ANK3: variants seen among roughly 807,000 people sequenced by gnomAD.
The protein encoded by ANK3 is ankyrin 3.
A neutral mutation model predicts 370.9 loss-of-function variants in ANK3; 57 were observed. That is an observed-to-expected ratio of 0.15 (90% CI 0.12 to 0.19). The LOEUF (loss-of-function observed/expected upper bound fraction) is 0.19, where lower values mean the gene tolerates loss of function less well. ANK3 is among the 10% of genes least tolerant of loss of function. The probability of loss-of-function intolerance (pLI) is 1.00; values close to 1 mark genes in which losing one functional copy is unlikely to be tolerated. For synonymous variants in ANK3, 1,929 were observed against 1,946.3 expected, an observed-to-expected ratio of 0.99 and a Z score of 0.23; for missense variants, 4,439 against 5,302.1, an observed-to-expected ratio of 0.84 and a Z score of 5.06.
At chr10:60,650,013 G>A (rs2078765169) in intron 1 of ANK3, among the ~76,000 whole-genome samples, 1 of 152,186 alleles carries the variant, frequency 6.6e-6, no homozygotes, top group Admixed American at 6.5e-5. Context: ...GGGTCCCTGA[G>A]GGTCTAGAAT....
In ANK3 at chr10:60,581,596, T is replaced by A. The variant is rs573790267; in HGVS notation, c.96+33590A>T. On this transcript the variant is annotated intron_variant, in intron 2 of 43. Coordinates refer to the ANK3 transcript ENST00000373827. ...CCTGCCACCATGCCTGGCTAATTAT[T>A]ATTTTTTTTTTTTTGTAGTTTTTAG... Among the ~76,000 whole-genome samples, 29 of 149,656 alleles carry A rather than the reference T, an allele frequency of 1.9e-4. No homozygotes were observed. In the South Asian group the frequency reaches 6.0e-3, roughly 31 times the overall value.
Position 60,071,039 on chromosome 10 carries a change from A to G in ANK3, c.9842T>C (p.Met3281Thr), listed in dbSNP as rs546508880. The G allele has an allele frequency of 5.6e-6, 9 of 1,614,192 alleles. No homozygotes were observed. In the African/African-American group the frequency reaches 6.7e-5, roughly 12 times the overall value. The part of the protein sequence containing the change: ...HHYLPEKEVD[M>T]IEVNLQDEHD... ...CTCATCTTGCAGATTGACTTCAATC[A>G]TGTCAACCTCTTTTTCTGGGAGATA... is the stretch of plus-strand genomic sequence containing the variant. The change falls in exon 37 of 44, where the codon ATG becomes ACG. Residue 3281 changes from methionine to threonine, a missense_variant. Around this residue, in one of 13 missense-constraint regions of ANK3, gnomAD observed 1,601 missense variants for 1,731.7 expected, o/e 0.92. Transcript: ENST00000280772.
Position 60,084,693 on chromosome 10 carries a change from A to C in ANK3, c.3983T>G (p.Leu1328Trp), listed in dbSNP as rs747928146. The change falls in exon 32 of 44, where the codon TTG becomes TGG. Residue 1328 changes from leucine (L) to tryptophan (W), a missense_variant. Physicochemically the swap from Leu to Trp is moderately conservative, Grantham distance 61 (BLOSUM62 -2). Coordinates refer to ENST00000280772, the MANE Select transcript of ANK3 (RefSeq NM_020987.5). ...AKMNDPVESSLRCFCMTDDKV... is the reference protein window; with the variant it reads ...AKMNDPVESSWRCFCMTDDKV... ...GTCATCTGTCATGCAGAAACATCGC[A>C]AGGAAGATTCTACGGGATCATTCAT... 1 of 1,613,990 alleles carries C rather than the reference A, an allele frequency of 6.2e-7. No individual in the cohort carries two copies.
In ANK3 at chr10:60,072,221, T is replaced by G; in HGVS notation, c.8660A>C (p.Glu2887Ala). 1 of 1,614,086 alleles carries G rather than the reference T, an allele frequency of 6.2e-7. No individual in the cohort carries two copies. Among genetic ancestry groups the G allele is most frequent in the South Asian group, 1.1e-5 (1 of 91,062 alleles). Residue 2887 changes from glutamate (E) to alanine (A), a missense_variant, in exon 37 of 44, where the codon GAG (glutamate) becomes GCG (alanine). Physicochemically the swap from Glu to Ala is moderately radical, Grantham distance 107 (BLOSUM62 -1). Around this residue, in one of 13 missense-constraint regions of ANK3, gnomAD observed 1,601 missense variants for 1,731.7 expected, o/e 0.92. Transcript: ENST00000280772. ...DVRENHIGHP[E>A]SKSVDQKNEF... ...ATTCTTTTGATCAACACTTTTACTC[T>G]CAGGGTGACCAATGTGATTCTCTCT...
At chr10:60,607,188 G>T (rs980705750) in intron 2 of ANK3, among the ~76,000 whole-genome samples, 3 of 152,260 alleles carry the variant, frequency 2.0e-5, no homozygotes, top group Admixed American at 6.5e-5. Flanking sequence ...ACTCATATTT[G>T]CTCAGTGATG....
chr10:60,199,183 T>C (rs2096634274), intron 13 of ANK3, among the ~76,000 whole-genome samples: 1 of 152,150 alleles, frequency 6.6e-6, no homozygotes, highest in South Asian at 2.1e-4. Context: ...TATCCCCAAG[T>C]GGGAGGCGCA....
chr10:60,080,357 G>A lies in ANK3; in HGVS notation c.4432+180C>T, dbSNP rs1589695560. ...CTGTTTTGAAGTATGAGCTAGGGGC[G>A]TTTTTACCTCACATCTTCAACTAGG... is the stretch of plus-strand genomic sequence containing the variant. On this transcript the variant is annotated intron_variant, in intron 36 of 43. Coordinates refer to ENST00000280772, the MANE Select transcript of ANK3 (RefSeq NM_020987.5). The A allele has an allele frequency of 5.8e-5, 33 of 568,058 alleles. No individual in the cohort carries two copies. The East Asian group carries it at 8.5e-4, about 15-fold the overall frequency. The allele number at this position is 568,058 out of a possible 1,614,324, so 35.2% of individuals were successfully genotyped here.
chr10:60,653,884 G>T (rs1375479703), intron 1 of ANK3, among the ~76,000 whole-genome samples: 9 of 152,038 alleles, frequency 5.9e-5, no homozygotes, highest in Non-Finnish European at 4.4e-5. Context: ...AAACAAAATT[G>T]CTTTGGCTAT....
At chr10:60,680,268 G>C (rs958350347) in intron 1 of ANK3, among the ~76,000 whole-genome samples, 1 of 152,160 alleles carries the variant, frequency 6.6e-6, no homozygotes, top group African/African-American at 2.4e-5. Flanking sequence ...GACAAGAATT[G>C]AGCTGCTGCA....
At chr10:60,349,840 T>C (rs1034869232) in intron 1 of ANK3, among the ~76,000 whole-genome samples, 6 of 152,056 alleles carry the variant, frequency 3.9e-5, no homozygotes, top group Non-Finnish European at 8.8e-5. Context: ...TCTGGACAAG[T>C]CATAATTTTT....
In ANK3 at chr10:60,583,511, G is replaced by GTTTTT. The variant is rs750384975; in HGVS notation, c.96+31670_96+31674dup. Among the ~76,000 whole-genome samples, 16 of 100,108 alleles carry GTTTTT rather than the reference G, an allele frequency of 1.6e-4. 4 individuals carry two copies. Among genetic ancestry groups the GTTTTT allele is most frequent in the East Asian group, 3.5e-4 (1 of 2,844 alleles). The allele number at this position is 100,108 out of a possible 152,430, so 65.7% of individuals were successfully genotyped here. A position where few individuals can be genotyped will look rare whatever the true frequency, so the allele number is the denominator to read the frequency against. ...CATATAGCTTACAGAGAGGTTTTTT[G>GTTTTT]TTTTTTGTTTTTTGTTTTTTTTTGA... On this transcript the variant is annotated intron_variant, in intron 2 of 43. Coordinates refer to the ANK3 transcript ENST00000373827.
chr10:60,227,633 TATGG>T (rs1298951750), intron 8 of ANK3, among the ~76,000 whole-genome samples: 1 of 152,180 alleles, frequency 6.6e-6, no homozygotes, highest in Non-Finnish European at 1.5e-5. Flanking sequence ...TGTGCTTTAG[TATGG>T]ATGATTTCTA....
At chr10:60,363,885 T>C (rs2059004932) in intron 1 of ANK3, among the ~76,000 whole-genome samples, 1 of 152,070 alleles carries the variant, frequency 6.6e-6, no homozygotes, top group South Asian at 2.1e-4. Flanking sequence ...CGTAAGTTTT[T>C]ATAAAAAGAT....
At chr10:60,561,987 G>T (rs866806998) in intron 2 of ANK3, among the ~76,000 whole-genome samples, 22 of 152,332 alleles carry the variant, frequency 1.4e-4, no homozygotes, top group Admixed American at 5.9e-4. Context: ...TGTCTGCCAT[G>T]TTCACTCATG....
At position 60,071,517 on chromosome 10, in the gene ANK3, A is replaced by T. The variant is rs766724028; in HGVS notation, c.9364T>A (p.Cys3122Ser). Residue 3122 changes from cysteine (C) to serine (S), a missense_variant, in exon 37 of 44, where the codon TGT (cysteine) becomes AGT (serine). Physicochemically the swap from Cys to Ser is moderately radical, Grantham distance 112. Transcript: ENST00000280772. ...GGVKKIISQE[C>S]KTVQETRGTF... Reference sequence around the variant, plus strand: ...CCCCTGGTTTCTTGTACTGTCTTACATTCCTGACTTATGATTTTTTTTACA... The same window carrying T: ...CCCCTGGTTTCTTGTACTGTCTTACTTTCCTGACTTATGATTTTTTTTACA... 12 of 1,614,082 alleles carry T rather than the reference A, an allele frequency of 7.4e-6. No homozygotes were observed. The South Asian group carries it at 1.1e-4, about 15-fold the overall frequency.
rs1042889779 is a variant in ANK3 at position 60,057,341 on chromosome 10, G to C, written c.12687-1305C>G. 3.3e-5 allele frequency among the ~76,000 whole-genome samples: 5 copies of C among 151,970 alleles called. No homozygotes were observed. In the East Asian group the frequency reaches 9.6e-4, roughly 29 times the overall value. ...CTATTTTTCACTTTTTTTGTAGCTT[G>C]CGTATTATTTTGAGCATCTTTGTTT... is the stretch of plus-strand genomic sequence containing the variant. On this transcript the variant is annotated intron_variant, in intron 41 of 43. Transcript: ENST00000280772.
chr10:60,553,558 C>G (rs1255807865), intron 2 of ANK3, among the ~76,000 whole-genome samples: 1 of 152,076 alleles, frequency 6.6e-6, no homozygotes, highest in Non-Finnish European at 1.5e-5. Flanking sequence ...CAGATTTTTT[C>G]AGCTACGGTC....
At chr10:60,649,330 C>T (rs2078756333) in intron 1 of ANK3, among the ~76,000 whole-genome samples, 1 of 151,950 alleles carries the variant, frequency 6.6e-6, no homozygotes, top group Admixed American at 6.6e-5. Context: ...TTTTAAGGTA[C>T]ACTGTCTCTA....
At chr10:60,696,152 A>G (rs563556910) in intron 1 of ANK3, among the ~76,000 whole-genome samples, 2 of 149,938 alleles carry the variant, frequency 1.3e-5, no homozygotes, top group East Asian at 3.9e-4. Context: ...GAAAATCTAG[A>G]AGTCATGGAT....
Sources: allele counts gnomAD v4.1 joint callset (sites outside exome capture counted in the v4.1 genomes callset), GRCh38; gene constraint gnomAD v4.1.1; regional missense constraint gnomAD v4.1.1; transcripts MANE v1.5; gene names NCBI Gene and HGNC (gene_info 2026-07-23, HGNC 2026-07-21).